Variants in SGPP2 observed in about 807,000 individuals in gnomAD.
The protein encoded by SGPP2 is sphingosine-1-phosphate phosphatase 2.
SGPP2 carries 30 observed loss-of-function variants against 33.9 expected under a neutral mutation model. The ratio of observed to expected loss-of-function variants is 0.89; its 90% CI spans 0.66 to 1.20. The LOEUF is 1.20. SGPP2 is among the 50% of genes most tolerant of loss of function. The pLI, the probability that SGPP2 is intolerant of heterozygous loss-of-function variation, is 0.00. For missense variants in SGPP2, 458 were observed against 532.1 expected (o/e 0.86, Z 1.37); for synonymous variants, 233 against 225.0 (o/e 1.04, Z -0.32).
At chr2:222,472,028 A>C (rs1044428146) in intron 1 of SGPP2, among the ~76,000 whole-genome samples, 7 of 152,198 alleles carry the variant, frequency 4.6e-5, no homozygotes, top group Non-Finnish European at 7.3e-5. Flanking sequence ...GAAAAGGATG[A>C]TAAAAAATGA....
intron 1 of SGPP2, among the ~76,000 whole-genome samples, chr2:222,469,440 C>T (rs569787354): frequency 6.6e-6 from 1 of 152,342 alleles, no homozygotes; most frequent in East Asian, 1.9e-4. Context: ...GCCTCGGACT[C>T]CCAAAGTGCT....
intron 2 of SGPP2, among the ~76,000 whole-genome samples, chr2:222,478,910 A>G (rs1020686572): frequency 6.6e-6 from 1 of 152,224 alleles, no homozygotes; most frequent in African/African-American, 2.4e-5. Context: ...CTTCATAACA[A>G]TGGGCAGTAT....
intron 2 of SGPP2, among the ~76,000 whole-genome samples, chr2:222,485,317 A>G (rs1366058881): frequency 6.6e-6 from 1 of 152,154 alleles, no homozygotes; most frequent in East Asian, 1.9e-4. Flanking sequence ...GATTTTCTAG[A>G]TATTTTCCTT....
chr2:222,502,866 T>TTA (rs1265886433), intron 2 of SGPP2, among the ~76,000 whole-genome samples: 2 of 152,322 alleles, frequency 1.3e-5, no homozygotes, highest in Non-Finnish European at 2.9e-5. Context: ...GAGAGAACAT[T>TTA]TACACCGTGT....
At chr2:222,482,773 G>A (rs546278006) in intron 2 of SGPP2, among the ~76,000 whole-genome samples, 2 of 152,340 alleles carry the variant, frequency 1.3e-5, no homozygotes, top group East Asian at 3.9e-4. Flanking sequence ...TAGATTGGCT[G>A]TACTTGGTCC....
intron 2 of SGPP2, 136 bp from the exon 3 acceptor site, chr2:222,521,631 T>C: frequency 1.2e-6 from 1 of 856,652 alleles, no homozygotes; most frequent in East Asian, 2.8e-5. Flanking sequence ...TACAAGACTT[T>C]GCCAACAAGT....
In SGPP2 at chr2:222,521,751, T is replaced by G; in HGVS notation, c.379-16T>G. The G allele has an allele frequency of 6.3e-7, 1 of 1,594,832 alleles. No homozygotes were observed. Among genetic ancestry groups the G allele is most frequent in the Non-Finnish European group, 8.5e-7 (1 of 1,172,916 alleles). ...CCTTATTTGATTAGACTTACCTCAG[T>G]CCTTTGGTTTTGCAGTTGGTGATGT... is the stretch of plus-strand genomic sequence containing the variant. On this transcript the variant is annotated splice_polypyrimidine_tract_variant and intron_variant, in intron 2 of 4. Coordinates refer to ENST00000321276, the MANE Select transcript of SGPP2 (RefSeq NM_152386.4).
chr2:222,455,261 T>G (rs1040868116), intron 1 of SGPP2, among the ~76,000 whole-genome samples: 1 of 150,870 alleles, frequency 6.6e-6, no homozygotes, highest in Non-Finnish European at 1.5e-5. Context: ...GGCTACAAGC[T>G]ATGAAGAAGA....
intron 4 of SGPP2, among the ~76,000 whole-genome samples, chr2:222,548,325 G>T (rs1689237311): frequency 6.6e-6 from 1 of 152,206 alleles, no homozygotes; most frequent in Non-Finnish European, 1.5e-5. Context: ...TGTTAAAAAT[G>T]TCAATTTCAA....
intron 2 of SGPP2, among the ~76,000 whole-genome samples, chr2:222,510,845 G>A (rs1158052482): frequency 6.6e-6 from 1 of 152,144 alleles, no homozygotes; most frequent in Non-Finnish European, 1.5e-5. Flanking sequence ...TCAGGGAATG[G>A]AAGATGTTAA....
At chr2:222,530,493 A>G (rs1291481324) in intron 4 of SGPP2, among the ~76,000 whole-genome samples, 1 of 152,222 alleles carries the variant, frequency 6.6e-6, no homozygotes, top group Non-Finnish European at 1.5e-5. Flanking sequence ...TTGCACATTT[A>G]TGTTTTGAAC....
intron 2 of SGPP2, among the ~76,000 whole-genome samples, chr2:222,502,285 A>C (rs1698379668): frequency 6.6e-6 from 1 of 152,220 alleles, no homozygotes; most frequent in African/African-American, 2.4e-5. Context: ...GAGAAAAATA[A>C]GAGTGACTTT....
chr2:222,484,465 C>G (rs774422838), intron 2 of SGPP2, among the ~76,000 whole-genome samples: 15 of 152,196 alleles, frequency 9.9e-5, no homozygotes, highest in Non-Finnish European at 2.2e-4. Context: ...CATCAGGATC[C>G]TGGAGGCAGG....
intron 2 of SGPP2, among the ~76,000 whole-genome samples, chr2:222,482,111 G>T (rs1340645705): frequency 6.6e-6 from 1 of 152,144 alleles, no homozygotes; most frequent in Non-Finnish European, 1.5e-5. Flanking sequence ...GCAGCTTTGA[G>T]GTTTGGTCAG....
At chr2:222,510,554 C>T (rs1031592271) in intron 2 of SGPP2, among the ~76,000 whole-genome samples, 2 of 152,084 alleles carry the variant, frequency 1.3e-5, no homozygotes, top group Non-Finnish European at 1.5e-5. Context: ...ATCACTTTTG[C>T]TATTTCTCCA....
rs1689466053 is a variant in SGPP2 at position 222,558,709 on chromosome 2, G to A, written c.1011G>A (p.Leu337=). 5.0e-6 allele frequency: 8 copies of A among 1,614,148 alleles called. No individual in the cohort carries two copies. The highest frequency in any genetic ancestry group is 6.8e-6 in the Non-Finnish European group (8 of 1,180,024). Reference sequence around the variant, plus strand: ...CAGTGGGAATTGTGTTGATCCTCTTGGTTCGTCAGCTTGTACAAAATCTCT... The same window carrying A: ...CAGTGGGAATTGTGTTGATCCTCTTAGTTCGTCAGCTTGTACAAAATCTCT... The part of the protein sequence containing the change: ...KFAVGIVLIL[L]VRQLVQNLSL... Residue 337 remains leucine, a synonymous_variant, in exon 5 of 5, where the codon TTG becomes TTA. Coordinates refer to ENST00000321276, the MANE Select transcript of SGPP2 (RefSeq NM_152386.4).
At chr2:222,529,344 T>A (rs1405905525) in intron 4 of SGPP2, among the ~76,000 whole-genome samples, 2 of 152,138 alleles carry the variant, frequency 1.3e-5, no homozygotes, top group South Asian at 4.2e-4. Context: ...TTTATTTTTT[T>A]AATTTTTTGA....
intron 1 of SGPP2, among the ~76,000 whole-genome samples, chr2:222,449,772 A>G (rs1697455736): frequency 6.6e-6 from 1 of 152,176 alleles, no homozygotes; most frequent in African/African-American, 2.4e-5. Context: ...AATTCTGGCA[A>G]CTAATTTTCT....
At chr2:222,446,851 A>G (rs370646114) in intron 1 of SGPP2, among the ~76,000 whole-genome samples, 1 of 152,330 alleles carries the variant, frequency 6.6e-6, no homozygotes, top group African/African-American at 2.4e-5. Flanking sequence ...CATGATGGAA[A>G]TGTTACTGAA....
Sources: allele counts gnomAD v4.1 joint callset (sites outside exome capture counted in the v4.1 genomes callset), GRCh38; gene constraint gnomAD v4.1.1; transcripts MANE v1.5; gene names NCBI Gene and HGNC (gene_info 2026-07-23, HGNC 2026-07-21).